Variants in SND1 observed in about 807,000 individuals in gnomAD.
The protein encoded by SND1 is staphylococcal nuclease and tudor domain containing 1.
A neutral mutation model predicts 121.7 loss-of-function variants in SND1; 38 were observed. The ratio of observed to expected loss-of-function variants is 0.31; its 90% CI spans 0.24 to 0.41. The LOEUF (loss-of-function observed/expected upper bound fraction) is 0.41, where lower values mean the gene tolerates loss of function less well. Among genes scored for constraint, SND1 ranks in the 10% least tolerant of loss-of-function variants. SND1 has a pLI of 1.00. For synonymous variants in SND1, 401 were observed against 447.4 expected (o/e 0.90, Z 1.31); for missense variants, 868 against 1,184.6 (o/e 0.73, Z 3.92).
At chr7:127,992,194 C>T (rs1418770434) in intron 16 of SND1, among the ~76,000 whole-genome samples, 2 of 152,124 alleles carry the variant, frequency 1.3e-5, no homozygotes, top group Admixed American at 1.3e-4. Flanking sequence ...TCACATTGCC[C>T]TCCATTTTAT....
intron 10 of SND1, among the ~76,000 whole-genome samples, chr7:127,760,367 G>A (rs959326316): frequency 2.0e-5 from 3 of 152,012 alleles, no homozygotes; most frequent in African/African-American, 7.3e-5. Flanking sequence ...GCATAAAGTG[G>A]GCACCATAAT....
intron 12 of SND1, among the ~76,000 whole-genome samples, chr7:127,847,138 G>C (rs1311804066): frequency 2.0e-5 from 3 of 152,076 alleles, no homozygotes; most frequent in Non-Finnish European, 4.4e-5. Flanking sequence ...TGAGTCTGGT[G>C]GCAGGTGCCT....
chr7:127,684,555 T>TA (rs1401880514), intron 1 of SND1, among the ~76,000 whole-genome samples: 1 of 152,226 alleles, frequency 6.6e-6, no homozygotes, highest in Non-Finnish European at 1.5e-5. Flanking sequence ...TTCAGGAACT[T>TA]CAAGCAGCCT....
chr7:128,027,924 T>C (rs555883061), intron 16 of SND1: 6 of 152,410 alleles, frequency 3.9e-5, no homozygotes, highest in Non-Finnish European at 8.8e-5. Context: ...TGTGAAAGCA[T>C]TAGACTGAGA....
chr7:127,774,908 C>T (rs1440758711), intron 10 of SND1, among the ~76,000 whole-genome samples: 1 of 152,126 alleles, frequency 6.6e-6, no homozygotes, highest in African/African-American at 2.4e-5. Flanking sequence ...TTTTACTGTA[C>T]CTTTTCTATG....
intron 22 of SND1, among the ~76,000 whole-genome samples, chr7:128,090,279 G>C (rs952317852): frequency 4.6e-5 from 7 of 152,222 alleles, no homozygotes; most frequent in African/African-American, 1.7e-4. Context: ...AGGGCTGATC[G>C]TGACAATCAG....
intron 18 of SND1, among the ~76,000 whole-genome samples, chr7:128,082,253 G>A (rs886416840): frequency 6.6e-6 from 1 of 152,232 alleles, no homozygotes; most frequent in Admixed American, 6.5e-5. Context: ...TGAGTTTGGA[G>A]CGGAAGGAAA....
chr7:127,857,823 C>A, intron 12 of SND1: 2 of 882,408 alleles, frequency 2.3e-6, no homozygotes, highest in East Asian at 2.4e-5. Context: ...AAGAAGGGCC[C>A]ACCAAACTAG....
At chr7:127,730,534 C>T (rs1383345295) in intron 10 of SND1, among the ~76,000 whole-genome samples, 1 of 152,164 alleles carries the variant, frequency 6.6e-6, no homozygotes, top group Non-Finnish European at 1.5e-5. Flanking sequence ...AGAAATATCC[C>T]CTTTATGTGT....
chr7:127,788,510 A>G (rs1797852937), intron 10 of SND1, among the ~76,000 whole-genome samples: 1 of 152,324 alleles, frequency 6.6e-6, no homozygotes, highest in African/African-American at 2.4e-5. Context: ...AATAAAATCC[A>G]TGTTCTCTCT....
Position 128,029,767 on chromosome 7 carries a change from G to C in SND1, c.1779+38711G>C, listed in dbSNP as rs1563094443. 6.2e-7 allele frequency: 1 copy of C among 1,613,616 alleles called. No homozygotes were observed. Among genetic ancestry groups the C allele is most frequent in the African/African-American group, 1.3e-5 (1 of 74,852 alleles). On this transcript the variant is annotated intron_variant, in intron 16 of 23. Transcript: ENST00000354725. This position sits in a 1 kb window ranked among gnomAD's most constrained non-coding sequence, Gnocchi z 4.2. ...TTGTGGTGTAGATGCAACTCCACCA[G>C]GTACCTCAGCGGGGTAAAGAGGTCA...
chr7:127,954,838 A>G (rs1584692622), intron 15 of SND1, among the ~76,000 whole-genome samples: 1 of 152,262 alleles, frequency 6.6e-6, no homozygotes, highest in East Asian at 1.9e-4. Flanking sequence ...TGGATAAAGC[A>G]CAGCCTCCAG....
chr7:127,750,710 A>G (rs1797074811), intron 10 of SND1, among the ~76,000 whole-genome samples: 3 of 152,118 alleles, frequency 2.0e-5, no homozygotes, highest in Non-Finnish European at 4.4e-5. Flanking sequence ...CGATGCCCAA[A>G]CGTTTCAGAT....
chr7:127,900,195 G>A (rs1265130248), intron 13 of SND1, among the ~76,000 whole-genome samples: 3 of 152,148 alleles, frequency 2.0e-5, no homozygotes, highest in African/African-American at 7.2e-5. Context: ...CGTGCACTAT[G>A]TCCCCAGGTT....
chr7:127,844,008 CTTA>C (rs1799011587), intron 11 of SND1, among the ~76,000 whole-genome samples: 1 of 152,120 alleles, frequency 6.6e-6, no homozygotes, highest in South Asian at 2.1e-4. Context: ...TTTTCCTGTT[CTTA>C]TTTGCCACTT....
intron 8 of SND1, among the ~76,000 whole-genome samples, chr7:127,706,501 G>A (rs1318312097): frequency 3.3e-5 from 5 of 151,930 alleles, no homozygotes; most frequent in Non-Finnish European, 5.9e-5. Flanking sequence ...CTCGTGATCC[G>A]CCCGCCTTGG....
rs534260902 is a variant in SND1, at chr7:127,705,079, A to G, written c.947+134A>G. 2.1e-4 allele frequency: 143 copies of G among 695,962 alleles called. 1 individual carries two copies. In the African/African-American group the frequency reaches 2.3e-3, roughly 11 times the overall value. The allele number at this position is 695,962 out of a possible 1,614,324, so 43.1% of individuals were successfully genotyped here. A position where few individuals can be genotyped will look rare whatever the true frequency, so the allele number is the denominator to read the frequency against. On this transcript the variant is annotated intron_variant, in intron 8 of 23. Coordinates refer to ENST00000354725, the MANE Select transcript of SND1 (RefSeq NM_014390.4). ...CAGTAAAGGAGTAGGGCAGTTCCTT[A>G]TAGAGGAGTGACTTAAATATTGGTC...
At chr7:128,050,324 G>A (rs1793024509) in intron 16 of SND1, among the ~76,000 whole-genome samples, 1 of 152,154 alleles carries the variant, frequency 6.6e-6, no homozygotes, top group South Asian at 2.1e-4. Context: ...GATCCAGCAG[G>A]TCCTACAGAA....
chr7:128,037,032 A>G (rs536539525), intron 16 of SND1, among the ~76,000 whole-genome samples: 2 of 152,362 alleles, frequency 1.3e-5, no homozygotes, highest in African/African-American at 4.8e-5. Flanking sequence ...CATTTTGCAG[A>G]TGAATTTAAG....
Sources: allele counts gnomAD v4.1 joint callset (sites outside exome capture counted in the v4.1 genomes callset), GRCh38; gene constraint gnomAD v4.1.1; non-coding constraint Gnocchi (gnomAD v3.1); transcripts MANE v1.5; gene names NCBI Gene and HGNC (gene_info 2026-07-23, HGNC 2026-07-21).